The following RYR1 variants were observed in gnomAD, a reference collection of about 807,000 sequenced individuals.
RYR1 encodes ryanodine receptor 1, also known as central core disease of muscle.
A neutral mutation model predicts 583.5 loss-of-function variants in RYR1; 342 were observed. That is an observed-to-expected ratio of 0.59 (90% confidence interval 0.54 to 0.64). The LOEUF (loss-of-function observed/expected upper bound fraction) is 0.64, where lower values mean the gene tolerates loss of function less well. RYR1 is among the 30% of genes least tolerant of loss of function. The pLI is 0.00. For synonymous variants in RYR1, 2,791 were observed against 2,822.5 expected (o/e 0.99, Z 0.35); for missense variants, 6,032 against 6,917.2 (o/e 0.87, Z 4.54).
chr19:38,518,941 AAGTT>A (rs1377567159), intron 66 of RYR1, among the ~76,000 whole-genome samples: 6 of 151,926 alleles, frequency 3.9e-5, no homozygotes, highest in East Asian at 1.9e-4. Flanking sequence ...AAAAAAAAAA[AAGTT>A]AGGTAACAGG....
At chr19:38,502,759 G>C (rs185314674) in intron 48 of RYR1, 32 bp downstream of exon 48, 1 of 586,626 alleles carries the variant, frequency 1.7e-6, no homozygotes. Context: ...GGTGGGGCAG[G>C]GGCAGGGGCA....
intron 21 of RYR1, 98 bp downstream of exon 21, chr19:38,463,625 A>G: frequency 1.4e-6 from 2 of 1,452,074 alleles, no homozygotes; most frequent in African/African-American, 2.8e-5. Context: ...ACCACAGGGC[A>G]CCAGGGGGTC....
In RYR1 at chr19:38,433,739, GA is replaced by G; in HGVS notation, c.-90del. ...GCCTCTGGTGTCTCCAGAGGTCTCC[GA>G]CCCCAGCCCGCCCCCAGCCCTCCCG... On this transcript the variant is annotated 5_prime_UTR_variant, in exon 1 of 106. Coordinates refer to ENST00000359596, the MANE Select transcript of RYR1 (RefSeq NM_000540.3). 4.2e-6 allele frequency: 3 copies of G among 719,092 alleles called. No individual in the cohort carries two copies. Among genetic ancestry groups the G allele is most frequent in the Non-Finnish European group, 2.5e-6 (1 of 397,778 alleles). The allele number at this position is 719,092 out of a possible 1,614,324, so 44.5% of individuals were successfully genotyped here.
At chr19:38,482,518 A>C (rs749096724) in intron 31 of RYR1, among the ~76,000 whole-genome samples, 1 of 152,034 alleles carries the variant, frequency 6.6e-6, no homozygotes, top group Non-Finnish European at 1.5e-5. Flanking sequence ...TGGTGCAATC[A>C]TGGCTCACTG....
In RYR1 at chr19:38,506,339, C is replaced by T. The variant is rs1970448393; in HGVS notation, c.8578C>T (p.Pro2860Ser). 2.5e-6 allele frequency: 4 copies of T among 1,613,688 alleles called. No individual in the cohort carries two copies. The highest frequency in any genetic ancestry group is 3.4e-6 in the Non-Finnish European group (4 of 1,179,870). The stretch of plus-strand genomic sequence containing the variant: ...TCGAGAAGGCTACAACCCTCAGCCC[C>T]CCGACCTTAGTGCTGTTACCCTGTC... ...DPREGYNPQP[P>S]DLSAVTLSRE... The change falls in exon 55 of 106, where the codon CCC becomes TCC. Residue 2860 changes from proline to serine, a missense_variant. Physicochemically the swap from Pro to Ser is moderately conservative, Grantham distance 74. Around this residue, in one of 11 missense-constraint regions of RYR1, gnomAD observed 1,493 missense variants for 1,715.5 expected, o/e 0.87. Transcript: ENST00000359596.
intron 22 of RYR1, among the ~76,000 whole-genome samples, 195 bp downstream of exon 22, chr19:38,464,045 G>A (rs1967944966): frequency 6.6e-6 from 1 of 152,134 alleles, no homozygotes; most frequent in African/African-American, 2.4e-5. Context: ...GGGAGGCCGA[G>A]ACGGGTGGAT....
intron 29 of RYR1, among the ~76,000 whole-genome samples, chr19:38,477,414 A>T (rs977548910): frequency 6.6e-5 from 10 of 152,196 alleles, no homozygotes; most frequent in African/African-American, 2.4e-4. Flanking sequence ...AAGTGCTGGG[A>T]TTACAGGCGT....
At position 38,500,857 on chromosome 19, in the gene RYR1, TCG is replaced by T. The variant is rs1970082463; in HGVS notation, c.7482_7483del (p.Val2495AlafsTer106). On this transcript the variant is annotated frameshift_variant, in exon 47 of 106. Coordinates refer to ENST00000359596, the MANE Select transcript of RYR1 (RefSeq NM_000540.3). LOFTEE classifies it high-confidence loss of function. This position sits in a 1 kb window ranked among gnomAD's most constrained non-coding sequence, Gnocchi z 5.9. ...GTGCAGCCAAAGATGTCAGCATCCT[TCG>T]TGCCGGACCACAAGGCGTCCATGGT... is the stretch of plus-strand genomic sequence containing the variant. 1 of 1,613,986 alleles carries T rather than the reference TCG, an allele frequency of 6.2e-7. No homozygotes were observed. Among genetic ancestry groups the T allele is most frequent in the Non-Finnish European group, 8.5e-7 (1 of 1,180,024 alleles).
chr19:38,572,316 TG>T (rs746029890), intron 95 of RYR1, 46 bp downstream of exon 95: 14 of 181,398 alleles, frequency 7.7e-5, no homozygotes, highest in Middle Eastern at 1.6e-3. Flanking sequence ...ATTGGCTGGG[TG>T]GGGGTGGGGG....
At position 38,523,084 on chromosome 19, in the gene RYR1, G is replaced by A. The variant is rs753331417; in HGVS notation, c.10316G>A (p.Gly3439Asp). 1 of 1,612,494 alleles carries A rather than the reference G, an allele frequency of 6.2e-7. No homozygotes were observed. The highest frequency in any genetic ancestry group is 2.2e-5 in the East Asian group (1 of 44,878). Residue 3439 changes from glycine (G) to aspartate (D), a missense_variant, in exon 68 of 106, where the codon GGC becomes GAC. Gly to Asp is a moderately conservative substitution (Grantham distance 94). Coordinates refer to ENST00000359596, the MANE Select transcript of RYR1 (RefSeq NM_000540.3). ...PSAEELFRMVGEIFIYWSKSH... is the reference protein window; with the variant it reads ...PSAEELFRMVDEIFIYWSKSH... ...GCGGAGGAGCTGTTCAGGATGGTGG[G>A]CGAGATCTTCATCTACTGGTCCAAG...
intron 20 of RYR1, among the ~76,000 whole-genome samples, chr19:38,462,981 C>A (rs1367422828): frequency 6.7e-6 from 1 of 148,350 alleles, no homozygotes; most frequent in Admixed American, 6.9e-5. Context: ...ACTGCAACCT[C>A]TGCCTCCAGA....
Position 38,463,407 on chromosome 19 carries a change from G to A in RYR1, c.2578-16G>A, listed in dbSNP as rs543755729. ...AGAGGGACCTTGGGGTCTCAAGAAC[G>A]TCCCTCTGCCTCTAGATTGTCCTGC... is the stretch of plus-strand genomic sequence containing the variant. On this transcript the variant is annotated splice_polypyrimidine_tract_variant and intron_variant, in intron 20 of 105. Transcript: ENST00000359596. 77 of 1,611,374 alleles carry A rather than the reference G, an allele frequency of 4.8e-5. No homozygotes were observed. The highest frequency in any genetic ancestry group is 1.5e-4 in the South Asian group (14 of 90,802).
At position 38,440,849 on chromosome 19, in the gene RYR1, C is replaced by T. The variant is rs554528443; in HGVS notation, c.150C>T (p.Pro50=). 6.2e-7 allele frequency: 1 copy of T among 1,611,950 alleles called. No homozygotes were observed. The highest frequency in any genetic ancestry group is 8.5e-7 in the Non-Finnish European group (1 of 1,179,664). The change falls in exon 2 of 106, where the codon CCC becomes CCT. Residue 50 remains proline, a synonymous_variant. Transcript: ENST00000359596. ...GCAACCGCCTGTGCTTCCTGGAGCC[C>T]ACTAGCAACGCGCAGGTCTGTGCAG... ...GFGNRLCFLE[P]TSNAQNVPPD... is the part of the protein sequence containing the mutation.
chr19:38,502,558 C>G lies in RYR1; in HGVS notation c.7666C>G (p.Leu2556Val), dbSNP rs138925222. The G allele has an allele frequency of 6.2e-7, 1 of 1,611,710 alleles. No individual in the cohort carries two copies. The highest frequency in any genetic ancestry group is 1.1e-5 in the South Asian group (1 of 91,020). The change falls in exon 48 of 106, where the codon CTG becomes GTG. Residue 2556 changes from leucine to valine, a missense_variant. Leu to Val is a conservative substitution (Grantham distance 32). Transcript: ENST00000359596. ...MALALNRYLC[L>V]AVLPLITKCA... ...GCTGGCGCTGAACCGCTACCTGTGC[C>G]TGGCCGTGCTGCCGCTCATCACCAA...
intron 37 of RYR1, among the ~76,000 whole-genome samples, 154 bp from the exon 38 acceptor site, chr19:38,492,336 C>T (rs949943232): frequency 2.7e-5 from 4 of 145,846 alleles, no homozygotes; most frequent in African/African-American, 1.0e-4. Flanking sequence ...CTGCTCTCCA[C>T]TGCAACAGAA....
intron 31 of RYR1, among the ~76,000 whole-genome samples, chr19:38,482,742 ACT>A (rs895827452): frequency 6.6e-6 from 1 of 151,736 alleles, no homozygotes; most frequent in African/African-American, 2.4e-5. Context: ...GAGCCATCAC[ACT>A]CTCTGGGTTT....
chr19:38,538,960 A>G (rs1242938489), intron 84 of RYR1, among the ~76,000 whole-genome samples: 2 of 152,214 alleles, frequency 1.3e-5, no homozygotes, highest in Non-Finnish European at 2.9e-5. Context: ...TGTGGTTATA[A>G]CCTTTAGCAG....
At chr19:38,436,971 C>G (rs946816032) in intron 1 of RYR1, among the ~76,000 whole-genome samples, 1 of 152,000 alleles carries the variant, frequency 6.6e-6, no homozygotes, top group Non-Finnish European at 1.5e-5. Context: ...CCAAATCAGG[C>G]TCTTGATGGT....
At position 38,448,799 on chromosome 19, in the gene RYR1, G is replaced by A. The variant is rs537344365; in HGVS notation, c.1108G>A (p.Val370Met). 19 of 1,613,922 alleles carry A rather than the reference G, an allele frequency of 1.2e-5. No individual in the cohort carries two copies. Among genetic ancestry groups the A allele is most frequent in the East Asian group, 8.9e-5 (4 of 44,872 alleles). Residue 370 changes from valine to methionine, a missense_variant, in exon 11 of 106, where the codon GTG becomes ATG. Physicochemically the swap from Val to Met is conservative, Grantham distance 21 (BLOSUM62 1). This residue lies in a region of RYR1 where 338 missense variants were observed against 441.6 expected (regional missense o/e 0.77). Transcript: ENST00000359596. ...AGACCCCAAGGCCCTGCGGCTCGGC[G>A]TGCTCAAGAAGAAGGTGGGTGTAAT... Reference protein sequence around the residue: ...APDPKALRLGVLKKKAMLHQE... With the variant: ...APDPKALRLGMLKKKAMLHQE...
Sources: gnomAD v4.1 joint callset for allele counts (sites outside exome capture counted in the v4.1 genomes callset) on GRCh38, gnomAD v4.1.1 for gene constraint, gnomAD v4.1.1 regional missense constraint, Gnocchi (gnomAD v3.1) non-coding constraint, MANE v1.5 for transcripts, NCBI Gene and HGNC (gene_info 2026-07-23, HGNC 2026-07-21) for gene names.